Variants in ATP2B2 observed in about 807,000 individuals in gnomAD.
ATP2B2 encodes plasma membrane calcium-transporting ATPase 2.
ATP2B2 carries 15 observed loss-of-function variants against 120.0 expected under a neutral mutation model. The ratio of observed to expected loss-of-function variants is 0.12; its 90% confidence interval spans 0.08 to 0.19. The LOEUF (loss-of-function observed/expected upper bound fraction) is 0.19. Among genes scored for constraint, ATP2B2 ranks in the 10% least tolerant of loss-of-function variants. ATP2B2 has a pLI of 1.00. For synonymous variants in ATP2B2, 694 were observed against 700.3 expected (o/e 0.99, Z 0.14); for missense variants, 1,045 against 1,719.8 (o/e 0.61, Z 6.94).
chr3:10,503,242 T>C (rs534679554), intron 1 of ATP2B2, among the ~76,000 whole-genome samples: 5 of 152,162 alleles, frequency 3.3e-5, no homozygotes, highest in Non-Finnish European at 7.3e-5. Flanking sequence ...AGGCCCCAGC[T>C]CTCAGAGACC....
intron 5 of ATP2B2, among the ~76,000 whole-genome samples, chr3:10,394,797 CG>C (rs1023065660): frequency 6.6e-6 from 1 of 151,748 alleles, no homozygotes; most frequent in Non-Finnish European, 1.5e-5. Context: ...CGGGGTCTCG[CG>C]GGGGTTGAGC....
chr3:10,470,234 G>C lies in ATP2B2; in HGVS notation c.-319-20372C>G, dbSNP rs1051230076. 3.5e-4 allele frequency among the ~76,000 whole-genome samples: 53 copies of C among 152,130 alleles called. 1 individual carries two copies. The highest frequency in any genetic ancestry group is 3.4e-3 in the Admixed American group (52 of 15,272). ...AGTATAGCTGCTACCTTCAGGACCC[G>C]GGGCTATGCACCTTCTGCCACTGTT... On this transcript the variant is annotated intron_variant, in intron 1 of 22. Coordinates refer to ENST00000360273, the MANE Select transcript of ATP2B2 (RefSeq NM_001001331.4).
intron 1 of ATP2B2, among the ~76,000 whole-genome samples, chr3:10,705,279 C>T (rs2071879252): frequency 1.3e-5 from 2 of 152,352 alleles, no homozygotes; most frequent in South Asian, 4.1e-4. Context: ...CCTGCTGTTT[C>T]AGACCTAACT....
At chr3:10,505,221 C>T (rs1164996560) in intron 1 of ATP2B2, among the ~76,000 whole-genome samples, 1 of 152,088 alleles carries the variant, frequency 6.6e-6, no homozygotes, top group African/African-American at 2.4e-5. Context: ...CAGCCGTCCC[C>T]CACAACACGC....
intron 1 of ATP2B2, among the ~76,000 whole-genome samples, chr3:10,657,551 G>C (rs2125674959): frequency 6.6e-6 from 1 of 152,342 alleles, no homozygotes; most frequent in South Asian, 2.1e-4. Flanking sequence ...GGCTTGGGGA[G>C]GGGGGCCTGC....
intron 1 of ATP2B2, among the ~76,000 whole-genome samples, chr3:10,689,788 G>A (rs1269483581): frequency 6.6e-6 from 1 of 152,208 alleles, no homozygotes; most frequent in Non-Finnish European, 1.5e-5. Flanking sequence ...GTGGATGTGA[G>A]TCTCCGACCT....
chr3:10,379,105 C>G (rs548759390), intron 9 of ATP2B2, 138 bp downstream of exon 9: 1 of 1,047,896 alleles, frequency 9.5e-7, no homozygotes, highest in African/African-American at 1.6e-5. Context: ...ACAGCTACAC[C>G]CCCAAGGTCG....
At chr3:10,338,653 G>A (rs932827357) in intron 21 of ATP2B2, 2 of 419,880 alleles carry the variant, frequency 4.8e-6, no homozygotes, top group African/African-American at 4.1e-5. Flanking sequence ...GCCTCTAGGA[G>A]TTGGACAGAT....
intron 1 of ATP2B2, among the ~76,000 whole-genome samples, chr3:10,463,119 T>C (rs1476069246): frequency 6.6e-6 from 1 of 152,162 alleles, no homozygotes; most frequent in East Asian, 1.9e-4. Context: ...CTCCAATTCC[T>C]CTGCTCCAAA....
intron 2 of ATP2B2, among the ~76,000 whole-genome samples, chr3:10,596,129 T>A (rs1441600273): frequency 6.6e-6 from 1 of 152,108 alleles, no homozygotes; most frequent in African/African-American, 2.4e-5. Context: ...CTAAACCACA[T>A]CAACCTTGCT....
chr3:10,427,453 A>G (rs1335207789), intron 2 of ATP2B2, among the ~76,000 whole-genome samples: 1 of 152,158 alleles, frequency 6.6e-6, no homozygotes, highest in Non-Finnish European at 1.5e-5. Flanking sequence ...GACCCACAAT[A>G]TACGCTGTTC....
At chr3:10,520,757 CTT>C (rs5846668) in intron 3 of ATP2B2, among the ~76,000 whole-genome samples, 180 of 145,754 alleles carry the variant, frequency 1.2e-3, no homozygotes, top group African/African-American at 4.3e-3. Context: ...CACCTGGCCT[CTT>C]TTTTTTTTTT....
At chr3:10,619,494 A>G (rs981032080) in intron 2 of ATP2B2, among the ~76,000 whole-genome samples, 3 of 152,204 alleles carry the variant, frequency 2.0e-5, no homozygotes, top group African/African-American at 7.2e-5. Flanking sequence ...TATGACAGCC[A>G]CAGAGCCCAC....
At chr3:10,394,797 C>A (rs112271058) in intron 5 of ATP2B2, among the ~76,000 whole-genome samples, 9 of 151,748 alleles carry the variant, frequency 5.9e-5, no homozygotes, top group African/African-American at 2.2e-4. Context: ...CGGGGTCTCG[C>A]GGGGGTTGAG....
intron 2 of ATP2B2, among the ~76,000 whole-genome samples, chr3:10,433,750 G>C (rs2063393973): frequency 6.6e-6 from 1 of 152,146 alleles, no homozygotes; most frequent in Non-Finnish European, 1.5e-5. Context: ...GTAGTTCCTA[G>C]GCACCCAGCA....
chr3:10,704,052 C>T (rs2071860285), intron 1 of ATP2B2, among the ~76,000 whole-genome samples: 1 of 152,192 alleles, frequency 6.6e-6, no homozygotes, highest in Admixed American at 6.5e-5. Flanking sequence ...ACCCCATCTT[C>T]CCCTCACTCC....
intron 1 of ATP2B2, among the ~76,000 whole-genome samples, chr3:10,503,472 C>T (rs2066476507): frequency 6.6e-6 from 1 of 152,264 alleles, no homozygotes; most frequent in African/African-American, 2.4e-5. Flanking sequence ...CCCCCAACGC[C>T]TGTGTGAGGC....
At chr3:10,348,896 T>A (rs2060500725) in intron 16 of ATP2B2, among the ~76,000 whole-genome samples, 2 of 152,148 alleles carry the variant, frequency 1.3e-5, no homozygotes. Flanking sequence ...AATGAGTGAA[T>A]GAATAAGAAT....
rs34707434 is a variant in ATP2B2, at chr3:10,535,385, ATGTGTGTG to A, written c.-414-1260_-414-1253del. On this transcript the variant is annotated intron_variant, in intron 2 of 21. Transcript: ENST00000646379. ...TACAGCGCTTGCATGCAGCAGTTTG[ATGTGTGTG>A]TGTGTGTGTGTGTGTGTGTGTGTGT... Among the ~76,000 whole-genome samples the A allele has an allele frequency of 1.1e-4, 16 of 147,062 alleles. 1 individual carries two copies. The highest frequency in any genetic ancestry group is 4.1e-4 in the East Asian group (2 of 4,916).
Sources: gnomAD v4.1 joint callset for allele counts (sites outside exome capture counted in the v4.1 genomes callset) on GRCh38, gnomAD v4.1.1 for gene constraint, MANE v1.5 for transcripts, NCBI Gene and HGNC (gene_info 2026-07-23, HGNC 2026-07-21) for gene names.